PSKH1: variants seen among roughly 807,000 people sequenced by gnomAD.
PSKH1 encodes the protein serine/threonine-protein kinase H1.
In PSKH1, 12 loss-of-function variants were observed where a neutral mutation model predicts 26.7. The observed-to-expected ratio is 0.45, with a 90% CI of 0.29 to 0.73. PSKH1 has a LOEUF of 0.73. PSKH1 is among the 30% of genes least tolerant of loss of function. The pLI, the probability that PSKH1 is intolerant of heterozygous loss-of-function variation, is 0.11. For synonymous variants in PSKH1, 213 were observed against 234.3 expected, an observed-to-expected ratio of 0.91 and a Z score of 0.83; for missense variants, 431 against 595.2, an observed-to-expected ratio of 0.72 and a Z score of 2.87.
At chr16:67,910,900 G>A (rs1192431361) in intron 2 of PSKH1, among the ~76,000 whole-genome samples, 3 of 152,180 alleles carry the variant, frequency 2.0e-5, no homozygotes, top group Admixed American at 6.5e-5. Flanking sequence ...ACATTCAACC[G>A]CCAGGCTGTC....
intron 1 of PSKH1, among the ~76,000 whole-genome samples, chr16:67,901,533 C>T (rs150569523): frequency 0.011 from 1,639 of 151,890 alleles, 13 homozygotes; most frequent in Middle Eastern, 0.024. Context: ...GGGGTTTCAC[C>T]GTGTTGCCCA....
At chr16:67,926,596 A>G (rs1255994393) in intron 2 of PSKH1, among the ~76,000 whole-genome samples, 2 of 152,268 alleles carry the variant, frequency 1.3e-5, no homozygotes, top group East Asian at 1.9e-4. Flanking sequence ...CCCGGGGTGC[A>G]TGTGGCAGAG....
At position 67,928,502 on chromosome 16, in the gene PSKH1, A is replaced by G. The variant is rs1317462351; in HGVS notation, c.*860A>G. ...GGTTAAAGGGAGCCCCACTGCTGCT[A>G]CCTGGGGAATGGGGCACCTGGGGGC... On this transcript the variant is annotated 3_prime_UTR_variant, in exon 3 of 3. Transcript: ENST00000291041. This position sits in a 1 kb window ranked among gnomAD's most constrained non-coding sequence, Gnocchi z 4.8. 1 of 152,588 alleles carries G rather than the reference A, an allele frequency of 6.6e-6. No individual in the cohort carries two copies. Among genetic ancestry groups the G allele is most frequent in the East Asian group, 1.9e-4 (1 of 5,182 alleles). 9.5% of individuals were successfully genotyped at this position (152,588 alleles called of 1,614,324 possible).
chr16:67,908,848 C>T lies in PSKH1; in HGVS notation c.99C>T (p.Asp33=), dbSNP rs774565099. 85 of 1,614,046 alleles carry T rather than the reference C, an allele frequency of 5.3e-5. No homozygotes were observed. Among genetic ancestry groups the T allele is most frequent in the Admixed American group, 2.0e-4 (12 of 59,996 alleles). The change falls in exon 2 of 3, where the codon GAC becomes GAT. Residue 33 remains aspartate (D), a synonymous_variant. Transcript: ENST00000291041. ...AGCCCTTCAGTGGCACTAAGAGTGA[C>T]GTGTACAAGCACTTCATCACAGAGG... ...KVEPFSGTKS[D]VYKHFITEVD... is the part of the protein sequence containing the mutation.
rs2058227544 is a variant in PSKH1, at chr16:67,928,704, C to CCCATCGTGCACACCT, written c.*1062_*1063insCCATCGTGCACACCT. The CCCATCGTGCACACCT allele has an allele frequency of 1.3e-5, 2 of 152,302 alleles. No homozygotes were observed. The highest frequency in any genetic ancestry group is 2.9e-5 in the Non-Finnish European group (2 of 68,104). 9.4% of individuals were successfully genotyped at this position (152,302 alleles called of 1,614,324 possible). ...TGGCAGCCTGGGAGTGATCACTGCA[C>CCCATCGTGCACACCT]GCCCATCGTGCACACCTGCCCATCG... On this transcript the variant is annotated 3_prime_UTR_variant, in exon 3 of 3. Coordinates refer to ENST00000291041, the MANE Select transcript of PSKH1 (RefSeq NM_006742.3). This position sits in a 1 kb window ranked among gnomAD's most constrained non-coding sequence, Gnocchi z 4.8.
chr16:67,896,886 C>T (rs2058128183), intron 1 of PSKH1, among the ~76,000 whole-genome samples: 1 of 152,162 alleles, frequency 6.6e-6, no homozygotes, highest in African/African-American at 2.4e-5. Flanking sequence ...CACTTCACCT[C>T]AGGCATCTGG....
intron 1 of PSKH1, among the ~76,000 whole-genome samples, chr16:67,898,640 T>C (rs573484871): frequency 6.6e-6 from 1 of 150,488 alleles, no homozygotes; most frequent in African/African-American, 2.4e-5. Flanking sequence ...TTTTTTTTTT[T>C]GGAGATGGAG....
intron 1 of PSKH1, among the ~76,000 whole-genome samples, chr16:67,905,116 G>A (rs940599649): frequency 2.0e-5 from 3 of 152,122 alleles, no homozygotes; most frequent in African/African-American, 7.2e-5. Flanking sequence ...ATGAGCCACT[G>A]TGCCCAGCTC....
At chr16:67,919,407 C>T (rs1567401385) in intron 2 of PSKH1, among the ~76,000 whole-genome samples, 1 of 152,216 alleles carries the variant, frequency 6.6e-6, no homozygotes, top group Non-Finnish European at 1.5e-5. Flanking sequence ...TGCTATGAGG[C>T]ATCTGTCCCT....
At position 67,929,447 on chromosome 16, in the gene PSKH1, G is replaced by C. The variant is rs866253004; in HGVS notation, c.*1805G>C. 1 of 159,288 alleles carries C rather than the reference G, an allele frequency of 6.3e-6. No homozygotes were observed. Among genetic ancestry groups the C allele is most frequent in the African/African-American group, 2.4e-5 (1 of 41,588 alleles). 9.9% of individuals were successfully genotyped at this position (159,288 alleles called of 1,614,324 possible). ...CCCCAGTTCCCCAAGTGTCTCTGGGGACCTGAAGCCCTGGGGCTTACGTTC... is the reference window on the plus strand; with the variant it reads ...CCCCAGTTCCCCAAGTGTCTCTGGGCACCTGAAGCCCTGGGGCTTACGTTC... On this transcript the variant is annotated 3_prime_UTR_variant, in exon 3 of 3. Transcript: ENST00000291041.
intron 2 of PSKH1, among the ~76,000 whole-genome samples, chr16:67,925,382 C>T (rs1234675515): frequency 2.6e-5 from 4 of 151,824 alleles, no homozygotes; most frequent in Non-Finnish European, 4.4e-5. Context: ...TTAGTAGAGA[C>T]GGGGTTTCAC....
chr16:67,914,641 ACG>A (rs1441716724), intron 2 of PSKH1, among the ~76,000 whole-genome samples: 4 of 151,784 alleles, frequency 2.6e-5, no homozygotes, highest in Admixed American at 1.3e-4. Flanking sequence ...TTTAGTAGAG[ACG>A]GGGTTTCGGC....
At chr16:67,911,669 T>G (rs972519788) in intron 2 of PSKH1, among the ~76,000 whole-genome samples, 2 of 151,594 alleles carry the variant, frequency 1.3e-5, no homozygotes, top group African/African-American at 2.4e-5. Flanking sequence ...GCAAAAAGAG[T>G]GAAACTCTGT....
Position 67,909,221 on chromosome 16 carries a change from C to T in PSKH1, c.472C>T (p.Leu158=). 6.2e-7 allele frequency: 1 copy of T among 1,614,126 alleles called. No individual in the cohort carries two copies. The highest frequency in any genetic ancestry group is 8.5e-7 in the Non-Finnish European group (1 of 1,180,040). ...RRVRHANIIQ[L]VEVFETQERV... is the part of the protein sequence containing the mutation. Reference sequence around the variant, plus strand: ...GGTGCGTCATGCCAACATCATCCAGCTGGTGGAGGTGTTCGAGACACAGGA... The same window carrying T: ...GGTGCGTCATGCCAACATCATCCAGTTGGTGGAGGTGTTCGAGACACAGGA... Residue 158 remains leucine, a synonymous_variant, in exon 2 of 3, where the codon CTG becomes TTG. Transcript: ENST00000291041. This position sits in a 1 kb window ranked among gnomAD's most constrained non-coding sequence, Gnocchi z 7.8.
chr16:67,927,796 C>CATGGTGAGGACAGGGGCTG lies in PSKH1; in HGVS notation c.*154_*155insATGGTGAGGACAGGGGCTG. On this transcript the variant is annotated 3_prime_UTR_variant, in exon 3 of 3. Transcript: ENST00000291041. The surrounding 1 kb of genome is among the most constrained non-coding windows in gnomAD (Gnocchi z 5.5). ...CCCTTTCTCTGTGCCTTCAGCAGCC[C>CATGGTGAGGACAGGGGCTG]CTGTCCTCACCATGGGCCTGGGCCA... is the stretch of plus-strand genomic sequence containing the variant. 1.1e-6 allele frequency: 1 copy of CATGGTGAGGACAGGGGCTG among 904,328 alleles called. No homozygotes were observed. Among genetic ancestry groups the CATGGTGAGGACAGGGGCTG allele is most frequent in the Non-Finnish European group, 1.6e-6 (1 of 612,302 alleles). The allele number at this position is 904,328 out of a possible 1,614,324, so 56.0% of individuals were successfully genotyped here.
At chr16:67,925,822 T>G (rs547477029) in intron 2 of PSKH1, among the ~76,000 whole-genome samples, 13 of 152,274 alleles carry the variant, frequency 8.5e-5, no homozygotes, top group African/African-American at 3.1e-4. Flanking sequence ...GCCCCAGGCC[T>G]TCCTCAGGAC....
chr16:67,904,780 C>A (rs2058151510), intron 1 of PSKH1, among the ~76,000 whole-genome samples: 2 of 152,092 alleles, frequency 1.3e-5, no homozygotes, highest in East Asian at 1.9e-4. Context: ...GATGGCCACA[C>A]CTGGCCAATG....
At chr16:67,915,444 G>C (rs529291518) in intron 2 of PSKH1, among the ~76,000 whole-genome samples, 2 of 152,088 alleles carry the variant, frequency 1.3e-5, no homozygotes, top group African/African-American at 4.8e-5. Context: ...GACATTTCCT[G>C]GGGGAGGGGT....
intron 1 of PSKH1, among the ~76,000 whole-genome samples, chr16:67,897,420 T>A (rs1177196647): frequency 6.6e-6 from 1 of 152,124 alleles, no homozygotes; most frequent in African/African-American, 2.4e-5. Flanking sequence ...GGTGGAAACA[T>A]GTGATGTTTT....
Sources: allele counts gnomAD v4.1 joint callset (sites outside exome capture counted in the v4.1 genomes callset), GRCh38; gene constraint gnomAD v4.1.1; non-coding constraint Gnocchi (gnomAD v3.1); transcripts MANE v1.5; gene names NCBI Gene and HGNC (gene_info 2026-07-23, HGNC 2026-07-21).